CD300A: variants seen among roughly 807,000 people sequenced by gnomAD.
CD300A encodes CMRF35-like molecule 8.
Under a neutral mutation model 33.6 loss-of-function variants are expected in CD300A, and 22 were observed. The observed-to-expected ratio is 0.66, with a 90% CI of 0.47 to 0.94. The LOEUF is 0.94. CD300A is among the 40% of genes least tolerant of loss of function. The pLI, the probability that CD300A is intolerant of heterozygous loss-of-function variation, is 0.00. For missense variants in CD300A, 326 were observed against 360.5 expected (o/e 0.90, Z 0.77); for synonymous variants, 136 against 148.1 (o/e 0.92, Z 0.59).
rs531427120 is a variant in CD300A at position 74,474,785 on chromosome 17, C to T, written c.533+100C>T. On this transcript the variant is annotated intron_variant, in intron 3 of 6. Transcript: ENST00000360141. ...ATGTGGGCCAGCTGGAGGTGTGCAT[C>T]GCTCCCTTTGCCCCAGGCCCAGGTT... 6.5e-5 allele frequency: 86 copies of T among 1,313,002 alleles called. No homozygotes were observed. In the East Asian group the frequency reaches 1.4e-3, roughly 21 times the overall value. The allele number at this position is 1,313,002 out of a possible 1,614,324, so 81.3% of individuals were successfully genotyped here.
chr17:74,482,053 C>G (rs1906893666), intron 6 of CD300A, among the ~76,000 whole-genome samples: 1 of 152,058 alleles, frequency 6.6e-6, no homozygotes, highest in African/African-American at 2.4e-5. Flanking sequence ...GGGTGGCCAG[C>G]AGCTATGGCT....
At chr17:74,466,588 G>A, upstream of CD300A, 2 of 1,206,122 alleles carry the variant, frequency 1.7e-6, no homozygotes, top group South Asian at 1.3e-5. Context: ...GCTGAACAAG[G>A]AAGCAGCGCG....
chr17:74,483,734 C>T (rs1468252614), intron 6 of CD300A, among the ~76,000 whole-genome samples: 2 of 152,296 alleles, frequency 1.3e-5, no homozygotes, highest in South Asian at 2.1e-4. Context: ...AGTTTCTTCC[C>T]TGTAGAATGG....
chr17:74,466,893 CAG>C, intron 1 of CD300A, 150 bp downstream of exon 1: 2 of 1,491,432 alleles, frequency 1.3e-6, no homozygotes, highest in Non-Finnish European at 1.8e-6. Flanking sequence ...ATAAGATGGA[CAG>C]ATGAAGGTCC....
intron 1 of CD300A, chr17:74,467,107 C>A: frequency 2.7e-6 from 2 of 744,222 alleles, no homozygotes; most frequent in Non-Finnish European, 3.4e-6. Context: ...CTGCGAGGGG[C>A]ATGTGGTGAG....
intron 2 of CD300A, 106 bp downstream of exon 2, chr17:74,473,980 AAGAG>A (rs1327108904): frequency 2.4e-6 from 3 of 1,246,880 alleles, no homozygotes; most frequent in Non-Finnish European, 3.3e-6. Context: ...GTGTGTGCGT[AAGAG>A]AGAGAGAGGT....
At chr17:74,469,948 C>T (rs62087211) in intron 1 of CD300A, 49,044 of 984,796 alleles carry the variant, frequency 0.05, 1,751 homozygotes, top group African/African-American at 0.17. Context: ...TTCACCAGTT[C>T]GTGAAAGATG....
Position 74,480,833 on chromosome 17 carries a change from C to T in CD300A, c.629-456C>T, listed in dbSNP as rs1057485337. 7.2e-5 allele frequency among the ~76,000 whole-genome samples: 11 copies of T among 152,142 alleles called. No homozygotes were observed. The highest frequency in any genetic ancestry group is 1.9e-4 in the East Asian group (1 of 5,180). On this transcript the variant is annotated intron_variant, in intron 4 of 6. Transcript: ENST00000360141. This position sits in a 1 kb window ranked among gnomAD's most constrained non-coding sequence, Gnocchi z 4.2. ...CATGATCTCAGCTCACTGCAACCTCCGTCTCCCAGGTTCAAGCGATTCTCC... is the reference window on the plus strand; with the variant it reads ...CATGATCTCAGCTCACTGCAACCTCTGTCTCCCAGGTTCAAGCGATTCTCC...
chr17:74,468,995 T>C (rs1242969371), intron 1 of CD300A, among the ~76,000 whole-genome samples: 1 of 152,192 alleles, frequency 6.6e-6, no homozygotes, highest in Non-Finnish European at 1.5e-5. Context: ...GGAGGTGAAC[T>C]ACATTAGGAG....
At position 74,478,609 on chromosome 17, in the gene CD300A, T is replaced by G. The variant is rs1004013651; in HGVS notation, c.628+1079T>G. ...TTGCAGATCCCTGGCCGAGGTCAAG[T>G]GTAAGCCTGAAGCTTCCTCCCTGTT... On this transcript the variant is annotated intron_variant, in intron 4 of 6. Transcript: ENST00000360141. Among the ~76,000 whole-genome samples the G allele has an allele frequency of 5.3e-5, 8 of 152,320 alleles. No homozygotes were observed. In the South Asian group the frequency reaches 1.0e-3, roughly 20 times the overall value.
chr17:74,477,577 C>T (rs1301750150), intron 4 of CD300A, 47 bp downstream of exon 4: 7 of 1,261,402 alleles, frequency 5.5e-6, no homozygotes, highest in Admixed American at 1.8e-5. Flanking sequence ...GGTGGTCAGA[C>T]CCTGACCACA....
intron 3 of CD300A, among the ~76,000 whole-genome samples, chr17:74,477,223 C>T (rs547361753): frequency 2.0e-5 from 3 of 151,818 alleles, no homozygotes; most frequent in East Asian, 1.9e-4. Flanking sequence ...AAAAATTAGC[C>T]GTGGTGGCCT....
At chr17:74,482,051 A>G (rs1906893473) in intron 6 of CD300A, among the ~76,000 whole-genome samples, 1 of 152,100 alleles carries the variant, frequency 6.6e-6, no homozygotes, top group African/African-American at 2.4e-5. Context: ...GGGGGTGGCC[A>G]GCAGCTATGG....
rs112837806 is a variant in CD300A, at chr17:74,474,945, T to A, written c.533+260T>A. On this transcript the variant is annotated intron_variant, in intron 3 of 6. Coordinates refer to ENST00000360141, the MANE Select transcript of CD300A (RefSeq NM_007261.4). The stretch of plus-strand genomic sequence containing the variant: ...AGCTGGTAACATCCTACGAGGCCCG[T>A]GTTAGATGCTTCACATGAGTATTCT... 1.8e-3 allele frequency among the ~76,000 whole-genome samples: 270 copies of A among 152,280 alleles called. 3 individuals carry two copies. The highest frequency in any genetic ancestry group is 6.1e-3 in the African/African-American group (253 of 41,552).
intron 1 of CD300A, among the ~76,000 whole-genome samples, chr17:74,470,737 C>T (rs1387099989): frequency 6.6e-6 from 1 of 152,084 alleles, no homozygotes; most frequent in Non-Finnish European, 1.5e-5. Context: ...CAACCTCCAC[C>T]TCCTGGACTC....
At position 74,484,330 on chromosome 17, in the gene CD300A, A is replaced by T. The variant is rs538173721; in HGVS notation, c.*204A>T. The T allele has an allele frequency of 2.1e-6, 1 of 473,924 alleles. No homozygotes were observed. Among genetic ancestry groups the T allele is most frequent in the Admixed American group, 3.4e-5 (1 of 29,566 alleles). The allele number at this position is 473,924 out of a possible 1,614,324, so 29.4% of individuals were successfully genotyped here. On this transcript the variant is annotated 3_prime_UTR_variant, in exon 7 of 7. Coordinates refer to ENST00000360141, the MANE Select transcript of CD300A (RefSeq NM_007261.4). ...GCCAGCAGGGCTGGGGGCTCCGGAGAGCAGCAGGAAGCACTCCCAGCCACC... is the reference window on the plus strand; with the variant it reads ...GCCAGCAGGGCTGGGGGCTCCGGAGTGCAGCAGGAAGCACTCCCAGCCACC...
intron 2 of CD300A, among the ~76,000 whole-genome samples, chr17:74,474,261 A>G (rs555942482): frequency 1.3e-5 from 2 of 152,224 alleles, no homozygotes; most frequent in African/African-American, 2.4e-5. Context: ...TGCAGTGTAG[A>G]CAGACTCCTC....
chr17:74,478,022 G>T (rs2144527725), intron 4 of CD300A, among the ~76,000 whole-genome samples: 1 of 152,234 alleles, frequency 6.6e-6, no homozygotes, highest in South Asian at 2.1e-4. Context: ...CCACGATCTG[G>T]CTCTACCCAC....
Position 74,466,707 on chromosome 17 carries a change from T to G in CD300A, c.4T>G (p.Trp2Gly), listed in dbSNP as rs1905729526. 2 of 1,596,554 alleles carry G rather than the reference T, an allele frequency of 1.3e-6. No homozygotes were observed. Among genetic ancestry groups the G allele is most frequent in the Non-Finnish European group, 1.7e-6 (2 of 1,171,224 alleles). M[W>G]LPWALLLLWV... ...CGCCTGTGCTGGGGAAGGGACCATG[T>G]GGCTGCCTTGGGCTCTGTTGCTTCT... The change falls in exon 1 of 7, where the codon TGG becomes GGG. Residue 2 changes from tryptophan to glycine, a missense_variant. Trp to Gly is a radical substitution (Grantham distance 184). Transcript: ENST00000360141.
Sources: allele counts gnomAD v4.1 joint callset (sites outside exome capture counted in the v4.1 genomes callset), GRCh38; gene constraint gnomAD v4.1.1; non-coding constraint Gnocchi (gnomAD v3.1); transcripts MANE v1.5; gene names NCBI Gene and HGNC (gene_info 2026-07-23, HGNC 2026-07-21).